Variants in NDUFS4 observed in about 807,000 individuals in gnomAD.
NDUFS4 encodes NADH:ubiquinone oxidoreductase subunit S4.
In NDUFS4, 28 loss-of-function variants were observed where a neutral mutation model predicts 24.3. The ratio of observed to expected loss-of-function variants is 1.15; its 90% CI spans 0.85 to 1.58. The LOEUF (loss-of-function observed/expected upper bound fraction) is 1.58. Ranked by LOEUF, NDUFS4 falls within the 40% of genes most tolerant of loss-of-function variation. The pLI is 0.00. For synonymous variants in NDUFS4, 93 were observed against 69.7 expected (o/e 1.34, Z -1.67); for missense variants, 223 against 207.9 (o/e 1.07, Z -0.45).
At chr5:53,674,350 C>T (rs1740386331) in intron 4 of NDUFS4, among the ~76,000 whole-genome samples, 1 of 151,950 alleles carries the variant, frequency 6.6e-6, no homozygotes, top group Non-Finnish European at 1.5e-5. Context: ...ATGACTTCTT[C>T]CACGGGAAGG....
chr5:53,622,595 T>C (rs1340867002), intron 2 of NDUFS4, among the ~76,000 whole-genome samples: 1 of 152,184 alleles, frequency 6.6e-6, no homozygotes, highest in Non-Finnish European at 1.5e-5. Flanking sequence ...CATTTAGGAT[T>C]AGGGACTCAC....
chr5:53,630,238 C>T (rs1426976521), intron 2 of NDUFS4, among the ~76,000 whole-genome samples: 1 of 152,148 alleles, frequency 6.6e-6, no homozygotes, highest in Non-Finnish European at 1.5e-5. Context: ...AGGGTTTCTG[C>T]TGAGAGATCT....
At chr5:53,580,185 A>G (rs373418457) in intron 1 of NDUFS4, among the ~76,000 whole-genome samples, 8 of 152,374 alleles carry the variant, frequency 5.3e-5, no homozygotes, top group East Asian at 1.9e-4. Context: ...GCCTAAATGT[A>G]AATGATTTAT....
intron 1 of NDUFS4, among the ~76,000 whole-genome samples, chr5:53,581,613 C>T (rs767552098): frequency 1.3e-5 from 2 of 152,120 alleles, no homozygotes; most frequent in Admixed American, 6.5e-5. Context: ...GCCTTCTCTG[C>T]CCCGGCCTAC....
intron 2 of NDUFS4, among the ~76,000 whole-genome samples, chr5:53,639,938 A>G (rs1446832545): frequency 2.6e-5 from 4 of 152,156 alleles, no homozygotes; most frequent in African/African-American, 4.8e-5. Context: ...GTTTTATAAC[A>G]TATTTGCCTA....
rs996275365 is a variant in NDUFS4, at chr5:53,591,465, G to A, written c.99-11987G>A. ...CTACTTTTTGTTTGTTTTTTTTGGG[G>A]GGGGGGGGTGATAATAACTATCGTA... On this transcript the variant is annotated intron_variant, in intron 1 of 4. Coordinates refer to ENST00000296684, the MANE Select transcript of NDUFS4 (RefSeq NM_002495.4). Among the ~76,000 whole-genome samples, 27 of 135,854 alleles carry A rather than the reference G, an allele frequency of 2.0e-4. 1 individual carries two copies. Among genetic ancestry groups the A allele is most frequent in the African/African-American group, 6.4e-4 (24 of 37,292 alleles). 89.1% of individuals were successfully genotyped at this position (135,854 alleles called of 152,430 possible).
At chr5:53,566,685 ATCC>A (rs998120244) in intron 1 of NDUFS4, among the ~76,000 whole-genome samples, 7 of 152,150 alleles carry the variant, frequency 4.6e-5, no homozygotes, top group African/African-American at 1.7e-4. Flanking sequence ...ACTTCTGTAC[ATCC>A]TCCTATATAC....
At chr5:53,611,226 T>A (rs539643459) in intron 2 of NDUFS4, among the ~76,000 whole-genome samples, 1 of 151,444 alleles carries the variant, frequency 6.6e-6, no homozygotes, top group East Asian at 1.9e-4. Context: ...TTTCTGGGCA[T>A]CAATTATGTA....
intron 2 of NDUFS4, among the ~76,000 whole-genome samples, chr5:53,644,603 G>A (rs1391969637): frequency 2.0e-5 from 3 of 151,956 alleles, no homozygotes; most frequent in African/African-American, 7.2e-5. Flanking sequence ...TTTTTTTGAA[G>A]TTGAACCTGA....
At chr5:53,621,763 G>A (rs964046423) in intron 2 of NDUFS4, among the ~76,000 whole-genome samples, 1 of 140,214 alleles carries the variant, frequency 7.1e-6, no homozygotes, top group Non-Finnish European at 1.5e-5. Flanking sequence ...GTGCAGTGGC[G>A]CGATCTCAAC....
intron 2 of NDUFS4, among the ~76,000 whole-genome samples, chr5:53,613,421 G>C (rs1444082242): frequency 6.6e-6 from 1 of 151,922 alleles, no homozygotes; most frequent in African/African-American, 2.4e-5. Flanking sequence ...CATGGTGGCA[G>C]TTTAGCGTGT....
intron 2 of NDUFS4, among the ~76,000 whole-genome samples, chr5:53,632,609 C>T (rs527734813): frequency 6.6e-6 from 1 of 152,116 alleles, no homozygotes; most frequent in Non-Finnish European, 1.5e-5. Context: ...TTGCTTTGTT[C>T]TGCTTGGGAT....
In NDUFS4 at chr5:53,591,910, GTTGT is replaced by G. The variant is rs574266805; in HGVS notation, c.99-11535_99-11532del. Reference sequence around the variant, plus strand: ...GATCTTTTGCCCACTTTTCAGTTGGGTTGTTTGTTTTCTTATTGATGAGTTTTGT... The same window carrying G: ...GATCTTTTGCCCACTTTTCAGTTGGGTTGTTTTCTTATTGATGAGTTTTGT... On this transcript the variant is annotated intron_variant, in intron 1 of 4. Coordinates refer to ENST00000296684, the MANE Select transcript of NDUFS4 (RefSeq NM_002495.4). 7.9e-5 allele frequency among the ~76,000 whole-genome samples: 12 copies of G among 152,066 alleles called. No individual in the cohort carries two copies. The East Asian group carries it at 1.4e-3, about 17-fold the overall frequency.
intron 1 of NDUFS4, among the ~76,000 whole-genome samples, chr5:53,587,171 C>T (rs1271030748): frequency 6.6e-6 from 1 of 152,046 alleles, no homozygotes; most frequent in Non-Finnish European, 1.5e-5. Flanking sequence ...TTCTCTATCC[C>T]ATCTGCTCAT....
At chr5:53,648,300 T>C (rs747609191) in intron 3 of NDUFS4, among the ~76,000 whole-genome samples, 1 of 152,158 alleles carries the variant, frequency 6.6e-6, no homozygotes, top group Non-Finnish European at 1.5e-5. Context: ...GTAGTAGTAG[T>C]ACAAGACCTG....
chr5:53,609,536 C>A (rs1341381375), intron 2 of NDUFS4, among the ~76,000 whole-genome samples: 2 of 152,074 alleles, frequency 1.3e-5, no homozygotes, highest in Admixed American at 1.3e-4. Context: ...CTTAAGGGCC[C>A]TAGGGTTTTC....
intron 2 of NDUFS4, among the ~76,000 whole-genome samples, chr5:53,609,275 C>T (rs921398458): frequency 3.9e-5 from 6 of 152,178 alleles, no homozygotes; most frequent in African/African-American, 1.2e-4. Flanking sequence ...AAAATTACTC[C>T]TTGGTCCACG....
chr5:53,638,400 AG>A (rs2112498004), intron 2 of NDUFS4, among the ~76,000 whole-genome samples: 1 of 152,280 alleles, frequency 6.6e-6, no homozygotes, highest in East Asian at 1.9e-4. Context: ...TTGATTAAAT[AG>A]GCCCATAGGG....
chr5:53,682,526 A>C (rs1740700488), intron 4 of NDUFS4, among the ~76,000 whole-genome samples: 1 of 151,772 alleles, frequency 6.6e-6, no homozygotes, highest in African/African-American at 2.4e-5. Flanking sequence ...GTGCAGATAG[A>C]TAGCCATTGA....
Sources: gnomAD v4.1 joint callset for allele counts (sites outside exome capture counted in the v4.1 genomes callset) on GRCh38, gnomAD v4.1.1 for gene constraint, MANE v1.5 for transcripts, NCBI Gene and HGNC (gene_info 2026-07-23, HGNC 2026-07-21) for gene names.